ANO6: variants seen among roughly 807,000 people sequenced by gnomAD.
ANO6 encodes the protein anoctamin-6.
A neutral mutation model predicts 117.5 loss-of-function variants in ANO6; 106 were observed. The ratio of observed to expected loss-of-function variants is 0.90; its 90% CI spans 0.77 to 1.06. The LOEUF (loss-of-function observed/expected upper bound fraction) is 1.06, where lower values mean the gene tolerates loss of function less well. Among genes scored for constraint, ANO6 ranks in the 50% least tolerant of loss-of-function variants. The pLI is 0.00. For missense variants in ANO6, 955 were observed against 1,121.1 expected (o/e 0.85, Z 2.12); for synonymous variants, 367 against 385.1 (o/e 0.95, Z 0.55).
At chr12:45,410,347 G>C (rs1403637768) in intron 16 of ANO6, among the ~76,000 whole-genome samples, 1 of 152,216 alleles carries the variant, frequency 6.6e-6, no homozygotes, top group African/African-American at 2.4e-5. Flanking sequence ...TAACTGGCCT[G>C]AATTTGGAAC....
At chr12:45,281,399 T>A (rs1211990547) in intron 1 of ANO6, among the ~76,000 whole-genome samples, 1 of 152,224 alleles carries the variant, frequency 6.6e-6, no homozygotes, top group Non-Finnish European at 1.5e-5. Context: ...GAAAATAAGT[T>A]TATTTTGGCT....
intron 3 of ANO6, among the ~76,000 whole-genome samples, chr12:45,341,537 T>C (rs1329669120): frequency 6.6e-6 from 1 of 152,102 alleles, no homozygotes; most frequent in Non-Finnish European, 1.5e-5. Context: ...TACCTTATAA[T>C]AGACATGAGG....
chr12:45,361,594 G>A (rs1941556849), intron 8 of ANO6, among the ~76,000 whole-genome samples: 1 of 152,092 alleles, frequency 6.6e-6, no homozygotes, highest in Non-Finnish European at 1.5e-5. Context: ...AAAGCATTCA[G>A]TCTTTCACCA....
intron 1 of ANO6, among the ~76,000 whole-genome samples, chr12:45,276,866 C>T (rs1351100462): frequency 1.3e-5 from 2 of 152,114 alleles, no homozygotes; most frequent in East Asian, 1.9e-4. Flanking sequence ...TTATTTTAGT[C>T]AAAGTTTTAC....
intron 1 of ANO6, among the ~76,000 whole-genome samples, chr12:45,274,914 TTATC>T (rs1354365653): frequency 1.3e-5 from 2 of 150,450 alleles, no homozygotes; most frequent in East Asian, 3.9e-4. Flanking sequence ...CACCCCTGAC[TTATC>T]TATCTAAAAT....
At chr12:45,260,276 C>G (rs1937981037) in intron 1 of ANO6, among the ~76,000 whole-genome samples, 1 of 152,230 alleles carries the variant, frequency 6.6e-6, no homozygotes, top group South Asian at 2.1e-4. Flanking sequence ...CTTGCTTTGT[C>G]AGCTTCTTTC....
intron 8 of ANO6, 76 bp from the exon 9 acceptor site, chr12:45,367,612 T>C (rs1406364190): frequency 2.5e-6 from 3 of 1,181,936 alleles, no homozygotes; most frequent in Non-Finnish European, 3.7e-6. Context: ...GTTTTGTTTC[T>C]TATTGTGAAT....
intron 1 of ANO6, among the ~76,000 whole-genome samples, chr12:45,286,920 G>T (rs1336644681): frequency 6.6e-6 from 1 of 152,116 alleles, no homozygotes; most frequent in African/African-American, 2.4e-5. Flanking sequence ...TCTGGGATTT[G>T]CATTCAGGTC....
intron 15 of ANO6, among the ~76,000 whole-genome samples, chr12:45,406,389 G>A (rs1396080505): frequency 6.6e-6 from 1 of 152,170 alleles, no homozygotes; most frequent in African/African-American, 2.4e-5. Context: ...CTTAATAAAA[G>A]GCTAGTATAA....
chr12:45,439,906 C>T (rs1943751775), exon 20 of ANO6: 4 of 1,497,126 alleles, frequency 2.7e-6, no homozygotes, highest in African/African-American at 2.8e-5. Context: ...GGGGCCAACT[C>T]CGTGTTTTTC....
chr12:45,332,757 G>A (rs371634039), intron 3 of ANO6, among the ~76,000 whole-genome samples: 3 of 152,030 alleles, frequency 2.0e-5, no homozygotes, highest in Non-Finnish European at 2.9e-5. Flanking sequence ...TGCCATATTC[G>A]CCAGGTAGAC....
chr12:45,272,174 C>T (rs1004919617), intron 1 of ANO6, among the ~76,000 whole-genome samples: 56 of 126,930 alleles, frequency 4.4e-4, no homozygotes, highest in African/African-American at 1.5e-3. Flanking sequence ...ATTTGAAGAA[C>T]CACCTTTTTG....
chr12:45,427,751 AAAG>A (rs899614051), intron 19 of ANO6, among the ~76,000 whole-genome samples: 7 of 151,676 alleles, frequency 4.6e-5, no homozygotes, highest in Non-Finnish European at 8.8e-5. Flanking sequence ...AAAAAAAAAA[AAAG>A]CCTGATCCAG....
chr12:45,226,889 C>T (rs1289846111), intron 1 of ANO6, among the ~76,000 whole-genome samples: 6 of 151,070 alleles, frequency 4.0e-5, no homozygotes, highest in African/African-American at 1.5e-4. Flanking sequence ...GAAACAATTG[C>T]ATTGTTTCTT....
chr12:45,325,689 T>A (rs1028060677), intron 2 of ANO6, among the ~76,000 whole-genome samples: 5 of 152,196 alleles, frequency 3.3e-5, no homozygotes, highest in African/African-American at 1.2e-4. Flanking sequence ...ATTTATTGAC[T>A]ATTTATTGTT....
chr12:45,348,211 C>G lies in ANO6; in HGVS notation c.529C>G (p.Pro177Ala), dbSNP rs753570988. Reference protein sequence around the residue: ...VLSVDESIIKPEQEFFTAPFE... With the variant: ...VLSVDESIIKAEQEFFTAPFE... ...CAGTGTAGACGAAAGCATCATCAAG[C>G]CAGAGCAAGAGTTTTTCACTGCCCC... Residue 177 changes from proline (P) to alanine (A), a missense_variant, in exon 5 of 20, where the codon CCA becomes GCA. Pro to Ala is a conservative substitution (Grantham distance 27, BLOSUM62 -1). Coordinates refer to ENST00000320560, the MANE Select transcript of ANO6 (RefSeq NM_001025356.3). 1.9e-6 allele frequency: 3 copies of G among 1,613,866 alleles called. No homozygotes were observed. Among genetic ancestry groups the G allele is most frequent in the Non-Finnish European group, 2.5e-6 (3 of 1,179,968 alleles).
At chr12:45,358,997 T>A (rs1156845302) in intron 8 of ANO6, among the ~76,000 whole-genome samples, 1 of 152,220 alleles carries the variant, frequency 6.6e-6, no homozygotes, top group Non-Finnish European at 1.5e-5. Flanking sequence ...TTGGCCAGGC[T>A]GGTCTCGAAC....
In ANO6 at chr12:45,388,303, G is replaced by A. The variant is rs775214067; in HGVS notation, c.1308G>A (p.Gln436=). The change falls in exon 11 of 20, where the codon CAG becomes CAA. Residue 436 remains glutamine (Q), a splice_region_variant and synonymous_variant. Coordinates refer to ENST00000320560, the MANE Select transcript of ANO6 (RefSeq NM_001025356.3). The part of the protein sequence containing the change: ...CTHVVINEIT[Q]EEERIPFTAW... ...ACGTAGTGATAAATGAGATTACTCAGGTAAGCAGGGTCGTATTTAGGTGCA... is the reference window on the plus strand; with the variant it reads ...ACGTAGTGATAAATGAGATTACTCAAGTAAGCAGGGTCGTATTTAGGTGCA... The A allele has an allele frequency of 1.2e-6, 2 of 1,613,766 alleles. No individual in the cohort carries two copies. Among genetic ancestry groups the A allele is most frequent in the Non-Finnish European group, 1.7e-6 (2 of 1,179,842 alleles).
In ANO6 at chr12:45,431,256, C is replaced by T. The variant is rs780331116; in HGVS notation, c.*1945C>T. On this transcript the variant is annotated 3_prime_UTR_variant, in exon 20 of 20. Coordinates refer to ENST00000320560, the MANE Select transcript of ANO6 (RefSeq NM_001025356.3). The stretch of plus-strand genomic sequence containing the variant: ...AACTCTTTCTCATTCGCAGCCAAGA[C>T]GGGAGTGCCACTGTTCCTCTCTTCA... 23 of 985,256 alleles carry T rather than the reference C, an allele frequency of 2.3e-5. 1 individual carries two copies. Among genetic ancestry groups the T allele is most frequent in the Admixed American group, 6.2e-5 (1 of 16,254 alleles). 61.0% of individuals were successfully genotyped at this position (985,256 alleles called of 1,614,324 possible).
Sources: allele counts gnomAD v4.1 joint callset (sites outside exome capture counted in the v4.1 genomes callset), GRCh38; gene constraint gnomAD v4.1.1; transcripts MANE v1.5; gene names NCBI Gene and HGNC (gene_info 2026-07-23, HGNC 2026-07-21).